SEMA3D: variants seen among roughly 807,000 people sequenced by gnomAD.
SEMA3D encodes the protein semaphorin 3D.
A neutral mutation model predicts 100.1 loss-of-function variants in SEMA3D; 84 were observed. The ratio of observed to expected loss-of-function variants is 0.84; its 90% CI spans 0.70 to 1.01. The LOEUF (loss-of-function observed/expected upper bound fraction) is 1.01. Ranked by LOEUF, SEMA3D falls within the 50% of genes least tolerant of loss-of-function variation. The pLI is 0.00. For missense variants in SEMA3D, 875 were observed against 934.1 expected (o/e 0.94, Z 0.82); for synonymous variants, 312 against 320.7 (o/e 0.97, Z 0.29).
intron 2 of SEMA3D, among the ~76,000 whole-genome samples, chr7:85,148,750 G>A (rs545014242): frequency 1.3e-5 from 2 of 151,790 alleles, no homozygotes; most frequent in East Asian, 1.9e-4. Context: ...TAAATCAGTC[G>A]CGGTAACATC....
intron 4 of SEMA3D, among the ~76,000 whole-genome samples, chr7:85,089,181 C>T (rs1788306593): frequency 6.6e-6 from 1 of 152,118 alleles, no homozygotes; most frequent in Non-Finnish European, 1.5e-5. Flanking sequence ...AGTTAATACT[C>T]ATTTGAAAGA....
At chr7:85,071,825 G>A (rs1329787496) in intron 6 of SEMA3D, among the ~76,000 whole-genome samples, 1 of 152,180 alleles carries the variant, frequency 6.6e-6, no homozygotes. Flanking sequence ...ATTGTATGCA[G>A]CCTATTGTTG....
At position 85,073,189 on chromosome 7, in the gene SEMA3D, C is replaced by G; in HGVS notation, c.376-108G>C. 6.1e-6 allele frequency: 6 copies of G among 989,154 alleles called. No individual in the cohort carries two copies. The South Asian group carries it at 8.6e-5, about 14-fold the overall frequency. The allele number at this position is 989,154 out of a possible 1,614,324, so 61.3% of individuals were successfully genotyped here. On this transcript the variant is annotated intron_variant, in intron 5 of 18. Coordinates refer to ENST00000284136, the MANE Select transcript of SEMA3D (RefSeq NM_001384900.1). ...AGATCAATCTTCAAAAATAAGAGCA[C>G]AAATGAAAAAAGATTTATGAGAAAT...
At chr7:85,046,363 A>G (rs1258066685) in intron 9 of SEMA3D, among the ~76,000 whole-genome samples, 1 of 152,110 alleles carries the variant, frequency 6.6e-6, no homozygotes, top group Non-Finnish European at 1.5e-5. Flanking sequence ...AGGACAGAAA[A>G]GGGATTTATA....
chr7:85,239,272 A>C, the SEMA3D span, among the ~76,000 whole-genome samples: 1 of 152,144 alleles, frequency 6.6e-6, no homozygotes, highest in African/African-American at 2.4e-5. Flanking sequence ...GGAAGTGATT[A>C]AGTTGTAATG....
At chr7:85,171,076 T>C (rs1270850788) in intron 1 of SEMA3D, among the ~76,000 whole-genome samples, 1 of 152,044 alleles carries the variant, frequency 6.6e-6, no homozygotes, top group African/African-American at 2.4e-5. Context: ...AGAATAATTG[T>C]AATTGTGACT....
At chr7:85,151,446 T>C (rs1320643526) in intron 2 of SEMA3D, among the ~76,000 whole-genome samples, 2 of 152,122 alleles carry the variant, frequency 1.3e-5, no homozygotes, top group South Asian at 4.1e-4. Flanking sequence ...TAAAAAACAG[T>C]AGCAGATTAT....
At chr7:85,054,313 A>G (rs1008579406) in intron 9 of SEMA3D, among the ~76,000 whole-genome samples, 1 of 152,068 alleles carries the variant, frequency 6.6e-6, no homozygotes, top group Non-Finnish European at 1.5e-5. Flanking sequence ...TTTATTTAAC[A>G]TAGCTCATTT....
chr7:85,038,026 T>G (rs1293771174), intron 11 of SEMA3D, among the ~76,000 whole-genome samples: 2 of 113,484 alleles, frequency 1.8e-5, no homozygotes, highest in African/African-American at 6.9e-5. Flanking sequence ...AAGGGGAACA[T>G]CACACACCGG....
At chr7:85,181,446 A>T (rs1427902708) in intron 1 of SEMA3D, among the ~76,000 whole-genome samples, 1 of 152,208 alleles carries the variant, frequency 6.6e-6, no homozygotes, top group Non-Finnish European at 1.5e-5. Context: ...TTTGAGTAAC[A>T]AATAAATAAA....
At chr7:85,055,638 T>TCATATA (rs1283696377) in intron 9 of SEMA3D, 79 bp downstream of exon 9, 2 of 199,750 alleles carry the variant, frequency 1.0e-5, no homozygotes, top group Admixed American at 1.0e-4. Flanking sequence ...CAAAGTTTTT[T>TCATATA]CATATACATA....
intron 1 of SEMA3D, among the ~76,000 whole-genome samples, chr7:85,184,200 A>G (rs1791477904): frequency 6.6e-6 from 1 of 152,168 alleles, no homozygotes; most frequent in South Asian, 2.1e-4. Flanking sequence ...CAGCATCATA[A>G]CTGACCTTAG....
At chr7:85,214,039 G>A in the SEMA3D span, among the ~76,000 whole-genome samples, 57 of 152,156 alleles carry the variant, frequency 3.7e-4, no homozygotes, top group Admixed American at 1.8e-3. Context: ...ACCCATAAAC[G>A]TGCACAATCC....
At chr7:85,045,812 T>C (rs1029880901) in intron 9 of SEMA3D, among the ~76,000 whole-genome samples, 1 of 151,996 alleles carries the variant, frequency 6.6e-6, no homozygotes, top group African/African-American at 2.4e-5. Flanking sequence ...TTTCCCCATC[T>C]TTCTCATGGC....
chr7:85,133,928 G>A (rs1279905188), intron 2 of SEMA3D, among the ~76,000 whole-genome samples: 1 of 151,898 alleles, frequency 6.6e-6, no homozygotes, highest in Admixed American at 6.6e-5. Flanking sequence ...TCTAAAGATA[G>A]TAAGTAAATA....
intron 3 of SEMA3D, among the ~76,000 whole-genome samples, chr7:85,104,105 A>G (rs893553116): frequency 7.2e-5 from 11 of 152,064 alleles, no homozygotes; most frequent in African/African-American, 2.7e-4. Context: ...TCCAATTGCT[A>G]GCACAAGAAA....
the SEMA3D span, among the ~76,000 whole-genome samples, chr7:85,219,739 G>A: frequency 6.6e-6 from 1 of 151,950 alleles, no homozygotes; most frequent in African/African-American, 2.4e-5. Flanking sequence ...AGTGGTGCTG[G>A]TGAAAGATTT....
At chr7:85,191,281 A>T (rs1266477188), upstream of SEMA3D, among the ~76,000 whole-genome samples, 2 of 152,174 alleles carry the variant, frequency 1.3e-5, no homozygotes, top group African/African-American at 4.8e-5. Flanking sequence ...GGGATAATTT[A>T]GTCAGATAAA....
intron 3 of SEMA3D, among the ~76,000 whole-genome samples, chr7:85,105,452 T>G (rs1043294164): frequency 6.6e-6 from 1 of 152,068 alleles, no homozygotes; most frequent in Admixed American, 6.6e-5. Flanking sequence ...TTTATCAAGA[T>G]AACTCATAAT....
Sources: gnomAD v4.1 joint callset for allele counts (sites outside exome capture counted in the v4.1 genomes callset) on GRCh38, gnomAD v4.1.1 for gene constraint, MANE v1.5 for transcripts, NCBI Gene and HGNC (gene_info 2026-07-23, HGNC 2026-07-21) for gene names.